Variants in RREB1 observed in about 807,000 individuals in gnomAD.
RREB1 encodes the protein ras responsive element binding protein 1.
In RREB1, 27 loss-of-function variants were observed where a neutral mutation model predicts 117.8. The observed-to-expected ratio is 0.23, with a 90% confidence interval of 0.17 to 0.32. The LOEUF is 0.32. Ranked by LOEUF, RREB1 falls within the 10% of genes least tolerant of loss-of-function variation. The probability of loss-of-function intolerance (pLI) is 1.00; values close to 1 mark genes in which losing one functional copy is unlikely to be tolerated. For missense variants in RREB1, 2,577 were observed against 2,378.2 expected (o/e 1.08, Z -1.74); for synonymous variants, 1,298 against 1,026.7 (o/e 1.26, Z -5.05).
intron 1 of RREB1, among the ~76,000 whole-genome samples, chr6:7,123,041 CCCCTCGGGT>C: frequency 6.6e-6 from 1 of 152,302 alleles, no homozygotes; most frequent in East Asian, 1.9e-4. Context: ...CGTGGTGTTG[CCCCTCGGGT>C]CCCTGGTTTG....
At chr6:7,201,063 G>T (rs574515190) in intron 6 of RREB1, among the ~76,000 whole-genome samples, 1 of 152,342 alleles carries the variant, frequency 6.6e-6, no homozygotes, top group South Asian at 2.1e-4. Flanking sequence ...GTGAGAGTGA[G>T]AAATTAGGTT....
At chr6:7,156,215 T>A (rs1295332997) in intron 1 of RREB1, among the ~76,000 whole-genome samples, 1 of 152,234 alleles carries the variant, frequency 6.6e-6, no homozygotes, top group Non-Finnish European at 1.5e-5. Flanking sequence ...GGGAGGAAAT[T>A]ATTTGCATAA....
intron 1 of RREB1, among the ~76,000 whole-genome samples, chr6:7,117,236 G>A (rs929467637): frequency 1.3e-5 from 2 of 151,886 alleles, no homozygotes; most frequent in Admixed American, 6.6e-5. Flanking sequence ...ACACTTCAGT[G>A]TAAAAAACAA....
rs571407905 is a variant in RREB1 at position 7,199,868 on chromosome 6, A to G, written c.425+10546A>G. On this transcript the variant is annotated intron_variant, in intron 6 of 12. Coordinates refer to ENST00000379938, the MANE Select transcript of RREB1 (RefSeq NM_001003699.4). The stretch of plus-strand genomic sequence containing the variant: ...CTTAGTGTGGATTTGCATTAATACT[A>G]TTAGATGAGATTCTGTGGTTCTTTC... Among the ~76,000 whole-genome samples, 4 of 152,090 alleles carry G rather than the reference A, an allele frequency of 2.6e-5. No individual in the cohort carries two copies. The South Asian group carries it at 6.2e-4, about 24-fold the overall frequency.
chr6:7,215,517 T>C (rs912351392), intron 8 of RREB1: 7 of 152,138 alleles, frequency 4.6e-5, no homozygotes, highest in Non-Finnish European at 8.8e-5. Flanking sequence ...TTTTTGTATA[T>C]TTTGCAGAGA....
In RREB1 at chr6:7,230,979, G is replaced by A; in HGVS notation, c.2880G>A (p.Glu960=). The A allele has an allele frequency of 6.2e-7, 1 of 1,614,158 alleles. No homozygotes were observed. Among genetic ancestry groups the A allele is most frequent in the Non-Finnish European group, 8.5e-7 (1 of 1,180,012 alleles). The change falls in exon 10 of 13, where the codon GAG becomes GAA. Residue 960 remains glutamate (E), a synonymous_variant. Coordinates refer to ENST00000379938, the MANE Select transcript of RREB1 (RefSeq NM_001003699.4). The stretch of plus-strand genomic sequence containing the variant: ...CTCCCAGCGAAGCCAAGAAGCCTGA[G>A]GAGGAGGCGGGGAGCAGCGAGCAGC... ...LATPSEAKKP[E]EEAGSSEQPS... is the part of the protein sequence containing the mutation.
intron 1 of RREB1, among the ~76,000 whole-genome samples, chr6:7,168,995 T>G (rs1764089704): frequency 6.8e-6 from 1 of 147,580 alleles, no homozygotes; most frequent in African/African-American, 2.4e-5. Context: ...ATGTCACAAG[T>G]GTTAGTGCCC....
chr6:7,173,773 C>G (rs1764354242), intron 1 of RREB1, among the ~76,000 whole-genome samples: 2 of 151,438 alleles, frequency 1.3e-5, no homozygotes. Context: ...GGCTTTCAGC[C>G]TTGGCGACAG....
At chr6:7,157,128 C>G (rs1322922281) in intron 1 of RREB1, among the ~76,000 whole-genome samples, 7 of 152,076 alleles carry the variant, frequency 4.6e-5, no homozygotes, top group African/African-American at 1.7e-4. Context: ...TTGGAGATGA[C>G]TAATTAATTA....
intron 6 of RREB1, among the ~76,000 whole-genome samples, chr6:7,193,255 T>C (rs749412803): frequency 6.6e-6 from 1 of 152,232 alleles, no homozygotes; most frequent in Non-Finnish European, 1.5e-5. Flanking sequence ...ACCTAACATA[T>C]GGTTTATCCT....
intron 1 of RREB1, among the ~76,000 whole-genome samples, chr6:7,143,840 T>C (rs192990643): frequency 1.9e-3 from 249 of 129,060 alleles, no homozygotes; most frequent in Admixed American, 2.9e-3. Context: ...CACTGCAGCC[T>C]TTTTTTCTTT....
intron 1 of RREB1, among the ~76,000 whole-genome samples, chr6:7,120,660 A>T (rs1241488822): frequency 7.0e-6 from 1 of 143,820 alleles, no homozygotes; most frequent in African/African-American, 2.5e-5. Flanking sequence ...TGATTTTTAG[A>T]TGAGATGTAC....
chr6:7,126,235 C>CCTG (rs1761913432), intron 1 of RREB1, among the ~76,000 whole-genome samples: 1 of 151,744 alleles, frequency 6.6e-6, no homozygotes, highest in South Asian at 2.1e-4. Flanking sequence ...CTGCTGACCT[C>CCTG]GTGATCCGCC....
intron 6 of RREB1, among the ~76,000 whole-genome samples, chr6:7,195,395 G>C (rs915097974): frequency 5.3e-5 from 8 of 152,200 alleles, no homozygotes; most frequent in African/African-American, 1.9e-4. Flanking sequence ...AAATGTGCCA[G>C]AGAGAATGGA....
chr6:7,225,027 T>C (rs1767500537), intron 8 of RREB1, among the ~76,000 whole-genome samples: 1 of 152,186 alleles, frequency 6.6e-6, no homozygotes, highest in Non-Finnish European at 1.5e-5. Flanking sequence ...CGGCACATAC[T>C]GGCACTTCTT....
chr6:7,220,810 A>C (rs766594638), intron 8 of RREB1, among the ~76,000 whole-genome samples: 11 of 152,202 alleles, frequency 7.2e-5, no homozygotes, highest in Non-Finnish European at 1.3e-4. Context: ...GGCAGAGTGG[A>C]GATACGCCAC....
rs1769263188 is a variant in RREB1 at position 7,248,729 on chromosome 6, A to G, written c.4990A>G (p.Ser1664Gly). Residue 1664 changes from serine to glycine, a missense_variant, in exon 13 of 13, where the codon AGC (serine) becomes GGC (glycine). By Grantham distance (56) the Ser-to-Gly change is moderately conservative. Coordinates refer to ENST00000379938, the MANE Select transcript of RREB1 (RefSeq NM_001003699.4). ...ENEAELAPNA[S>G]NHMAVTRSRK... ...CGAGGCTGAGCTGGCTCCCAATGCC[A>G]GCAACCACATGGCTGTCACCCGGAG... The G allele has an allele frequency of 1.2e-6, 2 of 1,614,204 alleles. No individual in the cohort carries two copies. Among genetic ancestry groups the G allele is most frequent in the Admixed American group, 3.3e-5 (2 of 60,026 alleles).
intron 1 of RREB1, among the ~76,000 whole-genome samples, chr6:7,161,861 C>T (rs1763681503): frequency 6.6e-6 from 1 of 152,172 alleles, no homozygotes; most frequent in South Asian, 2.1e-4. Flanking sequence ...GCAGTGCCTC[C>T]TAACTGGGTT....
intron 1 of RREB1, among the ~76,000 whole-genome samples, chr6:7,172,698 G>GT (rs1491239989): frequency 2.2e-5 from 3 of 138,982 alleles, no homozygotes; most frequent in Admixed American, 1.4e-4. Context: ...GTGTGGGGGG[G>GT]TGGGGGTGAC....
Sources: gnomAD v4.1 joint callset for allele counts (sites outside exome capture counted in the v4.1 genomes callset) on GRCh38, gnomAD v4.1.1 for gene constraint, MANE v1.5 for transcripts, NCBI Gene and HGNC (gene_info 2026-07-23, HGNC 2026-07-21) for gene names.